The following PLCL1 variants were observed in gnomAD, a reference collection of about 807,000 sequenced individuals.
PLCL1 encodes inactive phospholipase C-like protein 1.
In PLCL1, 41 loss-of-function variants were observed where a neutral mutation model predicts 84.4. That is an observed-to-expected ratio of 0.49 (90% CI 0.38 to 0.63). The LOEUF (loss-of-function observed/expected upper bound fraction) is 0.63. Ranked by LOEUF, PLCL1 falls within the 30% of genes least tolerant of loss-of-function variation. The pLI is 0.00. For synonymous variants in PLCL1, 490 were observed against 488.3 expected, an observed-to-expected ratio of 1.00 and a Z score of -0.05; for missense variants, 1,206 against 1,367.8, an observed-to-expected ratio of 0.88 and a Z score of 1.87.
chr2:198,067,007 A>G (rs996037496), intron 1 of PLCL1, among the ~76,000 whole-genome samples: 3 of 152,140 alleles, frequency 2.0e-5, no homozygotes, highest in African/African-American at 4.8e-5. Flanking sequence ...CAGTATATGC[A>G]CTATATATCC....
chr2:197,857,776 A>T (rs181359757), intron 1 of PLCL1, among the ~76,000 whole-genome samples: 44 of 152,314 alleles, frequency 2.9e-4, no homozygotes, highest in African/African-American at 1.0e-3. Context: ...TGATACAAAT[A>T]GAATGAATGA....
intron 1 of PLCL1, among the ~76,000 whole-genome samples, chr2:197,901,473 A>G (rs1378885408): frequency 6.6e-6 from 1 of 152,196 alleles, no homozygotes; most frequent in Admixed American, 6.5e-5. Context: ...ATCTTGCATG[A>G]GATTTTCCGA....
intron 3 of PLCL1, among the ~76,000 whole-genome samples, chr2:198,092,691 C>G (rs12473467): frequency 0.11 from 16,378 of 152,210 alleles, 950 homozygotes; most frequent in African/African-American, 0.14. Flanking sequence ...AACTACTCTC[C>G]CCATACATTC....
intron 1 of PLCL1, among the ~76,000 whole-genome samples, chr2:197,950,126 TTC>T (rs1487559654): frequency 6.6e-6 from 1 of 152,176 alleles, no homozygotes; most frequent in Admixed American, 6.5e-5. Flanking sequence ...AAATTTAGGG[TTC>T]TCTCTCTGTT....
intron 1 of PLCL1, among the ~76,000 whole-genome samples, chr2:197,821,803 T>G (rs1219087597): frequency 1.3e-5 from 2 of 152,182 alleles, no homozygotes; most frequent in Non-Finnish European, 2.9e-5. Context: ...TAGGAGATTC[T>G]ATTGGTAAAA....
intron 1 of PLCL1, among the ~76,000 whole-genome samples, chr2:197,978,548 A>G (rs1267843701): frequency 6.6e-6 from 1 of 152,256 alleles, no homozygotes; most frequent in Non-Finnish European, 1.5e-5. Flanking sequence ...GGCCACAAAA[A>G]CATCACCAAA....
At chr2:198,010,491 C>G (rs1403477309) in intron 1 of PLCL1, among the ~76,000 whole-genome samples, 1 of 151,876 alleles carries the variant, frequency 6.6e-6, no homozygotes, top group Non-Finnish European at 1.5e-5. Context: ...TTGAACTATT[C>G]TTTCATTTCA....
intron 1 of PLCL1, among the ~76,000 whole-genome samples, chr2:197,928,391 A>G (rs1688872807): frequency 6.6e-6 from 1 of 152,212 alleles, no homozygotes. Flanking sequence ...GTTAACTTAC[A>G]TGAAAATTCT....
chr2:198,085,270 C>G lies in PLCL1; in HGVS notation c.1753C>G (p.Leu585Val). Residue 585 changes from leucine (L) to valine (V), a missense_variant, in exon 2 of 6, where the codon CTC becomes GTC. Transcript: ENST00000428675. The surrounding 1 kb of genome is among the most constrained non-coding windows in gnomAD (Gnocchi z 5.3). ...GAAGCAAATCCGACTCTGTAGGGAG[C>G]TCTCTGATTTGGTGTCTATTTGTAA... is the stretch of plus-strand genomic sequence containing the variant. ...EQKQIRLCRELSDLVSICKSV... is the reference protein window; with the variant it reads ...EQKQIRLCREVSDLVSICKSV... 6.2e-7 allele frequency: 1 copy of G among 1,613,872 alleles called. No individual in the cohort carries two copies. Among genetic ancestry groups the G allele is most frequent in the Non-Finnish European group, 8.5e-7 (1 of 1,179,804 alleles).
At chr2:198,111,859 T>C (rs1693631968) in intron 5 of PLCL1, among the ~76,000 whole-genome samples, 7 of 151,878 alleles carry the variant, frequency 4.6e-5, no homozygotes, top group Admixed American at 3.9e-4. Context: ...GTATCAAGTA[T>C]CCTACCAAGT....
chr2:197,903,468 ATTTTTTTTTTTTT>A lies in PLCL1; in HGVS notation c.240+98150_240+98162del, dbSNP rs3056105. 3.3e-3 allele frequency among the ~76,000 whole-genome samples: 160 copies of A among 47,792 alleles called. 1 individual carries two copies. The highest frequency in any genetic ancestry group is 0.013 in the African/African-American group (146 of 11,124). The allele number at this position is 47,792 out of a possible 152,430, so 31.4% of individuals were successfully genotyped here. ...GTATCTTCCTTTTTACTCCATTTAA[ATTTTTTTTTTTTT>A]TTTTTTTTTTTTTTTTTTTTGAGAC... is the stretch of plus-strand genomic sequence containing the variant. On this transcript the variant is annotated intron_variant, in intron 1 of 5. Transcript: ENST00000428675.
At chr2:197,990,365 C>T (rs560651389) in intron 1 of PLCL1, among the ~76,000 whole-genome samples, 262 of 152,300 alleles carry the variant, frequency 1.7e-3, no homozygotes, top group Non-Finnish European at 3.1e-3. Flanking sequence ...ACATACACCT[C>T]AGGACAAAAG....
At chr2:197,835,295 A>T (rs534505323) in intron 1 of PLCL1, among the ~76,000 whole-genome samples, 25 of 152,312 alleles carry the variant, frequency 1.6e-4, no homozygotes, top group African/African-American at 3.6e-4. Context: ...AAAGTATAAT[A>T]AAAAAACCAT....
intron 3 of PLCL1, among the ~76,000 whole-genome samples, chr2:198,094,200 A>T (rs548301240): frequency 2.6e-5 from 4 of 152,068 alleles, no homozygotes; most frequent in South Asian, 4.2e-4. Context: ...TAGCTGGGAC[A>T]ACAAACACCC....
chr2:197,938,336 C>T (rs1689088613), intron 1 of PLCL1, among the ~76,000 whole-genome samples: 1 of 152,192 alleles, frequency 6.6e-6, no homozygotes, highest in Non-Finnish European at 1.5e-5. Flanking sequence ...GTAACCTCCT[C>T]ATTGCTCTTG....
intron 5 of PLCL1, among the ~76,000 whole-genome samples, chr2:198,123,993 C>A (rs1335087848): frequency 6.6e-6 from 1 of 152,042 alleles, no homozygotes; most frequent in Non-Finnish European, 1.5e-5. Context: ...GTCTGTGGTG[C>A]TTTGTCATGG....
intron 1 of PLCL1, among the ~76,000 whole-genome samples, chr2:197,952,872 C>T (rs1343205279): frequency 6.6e-6 from 1 of 152,056 alleles, no homozygotes; most frequent in East Asian, 1.9e-4. Context: ...CACCTTCCGC[C>T]ATGATTGTGA....
At chr2:198,131,849 A>G (rs557416063) in intron 5 of PLCL1, among the ~76,000 whole-genome samples, 131 of 152,336 alleles carry the variant, frequency 8.6e-4, no homozygotes, top group African/African-American at 3.1e-3. Flanking sequence ...GTGAGACTGC[A>G]TGTGACGATG....
chr2:198,137,139 TA>T (rs796673841), intron 5 of PLCL1, among the ~76,000 whole-genome samples: 15 of 151,958 alleles, frequency 9.9e-5, no homozygotes, highest in African/African-American at 3.6e-4. Context: ...CTAAATTAAA[TA>T]AAAAAACACA....
Sources: gnomAD v4.1 joint callset for allele counts (sites outside exome capture counted in the v4.1 genomes callset) on GRCh38, gnomAD v4.1.1 for gene constraint, Gnocchi (gnomAD v3.1) non-coding constraint, MANE v1.5 for transcripts, NCBI Gene and HGNC (gene_info 2026-07-23, HGNC 2026-07-21) for gene names.